The following SHPK variants were observed in gnomAD, a reference collection of about 807,000 sequenced individuals.
SHPK encodes sedoheptulokinase.
A neutral mutation model predicts 46.3 loss-of-function variants in SHPK; 51 were observed. The ratio of observed to expected loss-of-function variants is 1.10; its 90% CI spans 0.88 to 1.39. SHPK has a LOEUF of 1.39. SHPK is among the 40% of genes most tolerant of loss of function. The pLI is 0.00. For synonymous variants in SHPK, 290 were observed against 273.9 expected (o/e 1.06, Z -0.58); for missense variants, 668 against 641.3 (o/e 1.04, Z -0.45).
chr17:3,619,327 G>T (rs760711651), intron 5 of SHPK: 1 of 1,133,066 alleles, frequency 8.8e-7, no homozygotes, highest in Non-Finnish European at 1.3e-6. Context: ...CCACAGTTAC[G>T]TGAGGTGAGA....
intron 6 of SHPK, among the ~76,000 whole-genome samples, chr17:3,614,276 G>T (rs1182650552): frequency 6.6e-6 from 1 of 152,194 alleles, no homozygotes; most frequent in East Asian, 1.9e-4. Flanking sequence ...TGTAATCCCA[G>T]CACTTTTGGA....
intron 5 of SHPK, among the ~76,000 whole-genome samples, chr17:3,617,956 T>TA (rs1220494021): frequency 2.0e-5 from 3 of 152,222 alleles, no homozygotes; most frequent in South Asian, 2.1e-4. Flanking sequence ...CTGTTTGGCA[T>TA]AAAAAATGCT....
At chr17:3,631,511 G>GC (rs2075471638) in intron 1 of SHPK, among the ~76,000 whole-genome samples, 1 of 38,276 alleles carries the variant, frequency 2.6e-5, no homozygotes, top group Non-Finnish European at 4.7e-5. Flanking sequence ...CTAATTTAAT[G>GC]CTTTTTTTTT....
At chr17:3,612,690 ACCTAGGGCTTCTCCAG>A (rs1016673550) in intron 6 of SHPK, among the ~76,000 whole-genome samples, 2 of 151,254 alleles carry the variant, frequency 1.3e-5, no homozygotes, top group African/African-American at 4.9e-5. Flanking sequence ...CCCGACCTAG[ACCTAGGGCTTCTCCAG>A]CCTAGGGCTT....
intron 1 of SHPK, among the ~76,000 whole-genome samples, chr17:3,631,511 G>GTTTTTTTTT (rs2075471589): frequency 2.6e-5 from 1 of 38,276 alleles, no homozygotes; most frequent in African/African-American, 1.1e-4. Flanking sequence ...CTAATTTAAT[G>GTTTTTTTTT]CTTTTTTTTT....
At chr17:3,631,664 A>C (rs2150875573) in intron 1 of SHPK, among the ~76,000 whole-genome samples, 1 of 151,562 alleles carries the variant, frequency 6.6e-6, no homozygotes, top group East Asian at 2.0e-4. Context: ...CTGGGATTAC[A>C]GGCTCACACC....
At chr17:3,627,049 A>G (rs2075442725) in intron 2 of SHPK, among the ~76,000 whole-genome samples, 6 of 152,318 alleles carry the variant, frequency 3.9e-5, no homozygotes, top group South Asian at 4.1e-4. Context: ...AATGCTGAAC[A>G]TCTTTCCAGA....
chr17:3,622,706 C>A, intron 4 of SHPK: 25 of 220,086 alleles, frequency 1.1e-4, no homozygotes, highest in South Asian at 3.5e-4. Context: ...GTTCTTTTTT[C>A]TTTTTTTTTT....
chr17:3,619,731 TC>T, intron 5 of SHPK: 2 of 328,396 alleles, frequency 6.1e-6, no homozygotes, highest in Non-Finnish European at 1.2e-5. Flanking sequence ...AGACTCCATC[TC>T]AAAAAAAAAA....
intron 2 of SHPK, among the ~76,000 whole-genome samples, chr17:3,626,771 T>A (rs558765780): frequency 2.5e-4 from 37 of 147,728 alleles, no homozygotes; most frequent in Admixed American, 1.4e-3. Flanking sequence ...GTGCCTGTAG[T>A]AACAGTTACT....
chr17:3,631,421 C>T lies in SHPK; in HGVS notation c.169-1075G>A, dbSNP rs1597578990. On this transcript the variant is annotated intron_variant, in intron 1 of 6. Coordinates refer to ENST00000225519, the MANE Select transcript of SHPK (RefSeq NM_013276.4). ...TGTCCAATACTGAAATCGTTAGCCA[C>T]TTGTGGCTAGTCTGAATTGACATGT... Among the ~76,000 whole-genome samples, 4 of 148,672 alleles carry T rather than the reference C, an allele frequency of 2.7e-5. No homozygotes were observed. The Admixed American group carries it at 2.7e-4, about 10-fold the overall frequency.
intron 6 of SHPK, among the ~76,000 whole-genome samples, chr17:3,613,476 C>G (rs1189974592): frequency 6.6e-6 from 1 of 152,150 alleles, no homozygotes; most frequent in African/African-American, 2.4e-5. Flanking sequence ...TCAAGTGACT[C>G]TCCTGCCTCA....
intron 4 of SHPK, among the ~76,000 whole-genome samples, chr17:3,621,832 T>TA (rs1478528213): frequency 4.1e-4 from 62 of 151,916 alleles, no homozygotes; most frequent in African/African-American, 1.4e-3. Flanking sequence ...TTTGTATTTT[T>TA]AGTAGAGACG....
At chr17:3,617,365 T>C (rs2075376003) in intron 5 of SHPK, among the ~76,000 whole-genome samples, 1 of 152,088 alleles carries the variant, frequency 6.6e-6, no homozygotes, top group Non-Finnish European at 1.5e-5. Context: ...TTGTGTTGAG[T>C]TCACTGAGTT....
chr17:3,623,724 G>A (rs914793237), intron 3 of SHPK, among the ~76,000 whole-genome samples: 3 of 152,198 alleles, frequency 2.0e-5, no homozygotes, highest in Admixed American at 1.3e-4. Context: ...GAAGTGTCAA[G>A]CCTGGAAAAG....
intron 6 of SHPK, among the ~76,000 whole-genome samples, chr17:3,614,770 C>G (rs927996739): frequency 3.3e-5 from 5 of 151,448 alleles, no homozygotes; most frequent in Non-Finnish European, 7.4e-5. Flanking sequence ...ATCCCTTGAA[C>G]CTGGGAGGCG....
intron 1 of SHPK, among the ~76,000 whole-genome samples, chr17:3,630,803 G>A (rs1206500418): frequency 6.6e-6 from 1 of 152,190 alleles, no homozygotes; most frequent in Non-Finnish European, 1.5e-5. Flanking sequence ...GGCGGAGGTT[G>A]CGGTGAGCCG....
intron 5 of SHPK, 27 bp from the exon 6 acceptor site, chr17:3,615,564 G>C (rs368139088): frequency 6.2e-6 from 10 of 1,604,144 alleles, no homozygotes; most frequent in African/African-American, 1.3e-5. Context: ...GCAGAGCTTA[G>C]GCCTGTCGGG....
At chr17:3,631,673 C>T (rs2075473327) in intron 1 of SHPK, among the ~76,000 whole-genome samples, 1 of 151,458 alleles carries the variant, frequency 6.6e-6, no homozygotes, top group South Asian at 2.1e-4. Context: ...CAGGCTCACA[C>T]CACCACGCCG....
Sources: gnomAD v4.1 joint callset for allele counts (sites outside exome capture counted in the v4.1 genomes callset) on GRCh38, gnomAD v4.1.1 for gene constraint, MANE v1.5 for transcripts, NCBI Gene and HGNC (gene_info 2026-07-23, HGNC 2026-07-21) for gene names.